Variants in LRP2 observed in about 807,000 individuals in gnomAD.
LRP2 encodes the protein low-density lipoprotein receptor-related protein 2.
Under a neutral mutation model 531.0 loss-of-function variants are expected in LRP2, and 172 were observed. The observed-to-expected ratio is 0.32, with a 90% CI of 0.29 to 0.37. The LOEUF (loss-of-function observed/expected upper bound fraction) is 0.37, where lower values mean the gene tolerates loss of function less well. Ranked by LOEUF, LRP2 falls within the 10% of genes least tolerant of loss-of-function variation. The pLI, the probability that LRP2 is intolerant of heterozygous loss-of-function variation, is 1.00. For synonymous variants in LRP2, 1,992 were observed against 2,027.6 expected (o/e 0.98, Z 0.47); for missense variants, 5,167 against 5,868.3 (o/e 0.88, Z 3.90).
intron 16 of LRP2, among the ~76,000 whole-genome samples, chr2:169,268,300 A>C (rs969716995): frequency 1.3e-5 from 2 of 152,118 alleles, no homozygotes; most frequent in African/African-American, 4.8e-5. Context: ...CAGAGACACA[A>C]CAAAAAAAGA....
chr2:169,237,875 C>T (rs1689661976), intron 27 of LRP2, among the ~76,000 whole-genome samples: 1 of 152,156 alleles, frequency 6.6e-6, no homozygotes, highest in Admixed American at 6.5e-5. Flanking sequence ...ACCTGGAATT[C>T]AGAATCACAC....
intron 21 of LRP2, among the ~76,000 whole-genome samples, chr2:169,245,522 T>C (rs959427339): frequency 6.6e-6 from 1 of 152,210 alleles, no homozygotes; most frequent in African/African-American, 2.4e-5. Context: ...GTCACTCCTC[T>C]TTCTCTCCAA....
rs1230332680 is a variant in LRP2 at position 169,257,847 on chromosome 2, AAC to A, written c.2514-600_2514-599del. Among the ~76,000 whole-genome samples the A allele has an allele frequency of 8.8e-3, 1,318 of 149,614 alleles. 13 individuals carry two copies. The highest frequency in any genetic ancestry group is 0.03 in the African/African-American group (1,220 of 40,166). ...AAACAAAAAAAAAAAACACAAAAAA[AAC>A]AAAAGAAAATAAAAAAACAACTTTT... On this transcript the variant is annotated intron_variant, in intron 17 of 78. Coordinates refer to ENST00000649046, the MANE Select transcript of LRP2 (RefSeq NM_004525.3).
intron 20 of LRP2, 130 bp downstream of exon 20, chr2:169,247,248 G>T: frequency 1.9e-6 from 2 of 1,029,572 alleles, no homozygotes; most frequent in Non-Finnish European, 2.8e-6. Flanking sequence ...TAGATTATGT[G>T]AACGACAAGA....
intron 45 of LRP2, among the ~76,000 whole-genome samples, chr2:169,198,109 A>T (rs560335574): frequency 4.8e-4 from 73 of 152,340 alleles, no homozygotes; most frequent in Non-Finnish European, 9.1e-4. Flanking sequence ...TATCTAGGGG[A>T]TATAAAGATA....
chr2:169,316,080 T>C (rs1405374444), intron 3 of LRP2, among the ~76,000 whole-genome samples: 1 of 148,386 alleles, frequency 6.7e-6, no homozygotes, highest in Admixed American at 6.7e-5. Flanking sequence ...AGGTCAAGGC[T>C]ACAGTGAGCC....
At chr2:169,166,331 A>G (rs1019970998) in intron 61 of LRP2, among the ~76,000 whole-genome samples, 5 of 152,232 alleles carry the variant, frequency 3.3e-5, no homozygotes, top group African/African-American at 1.2e-4. Flanking sequence ...CCATTCAATT[A>G]CAACTATGAA....
intron 16 of LRP2, among the ~76,000 whole-genome samples, chr2:169,262,147 G>A (rs1171823599): frequency 6.7e-6 from 1 of 149,742 alleles, no homozygotes; most frequent in Non-Finnish European, 1.5e-5. Flanking sequence ...CATACTGAAT[G>A]GGCAAAAACT....
At chr2:169,257,075 T>A (rs769323513) in intron 18 of LRP2, 49 bp downstream of exon 18, 1 of 1,608,696 alleles carries the variant, frequency 6.2e-7, no homozygotes, top group Non-Finnish European at 8.5e-7. Context: ...TCATTATGTG[T>A]TCTGCAGTAA....
intron 1 of LRP2, among the ~76,000 whole-genome samples, chr2:169,348,686 A>G (rs1021094363): frequency 1.3e-5 from 2 of 152,182 alleles, no homozygotes; most frequent in Admixed American, 1.3e-4. Context: ...TAGCAGAATG[A>G]CCCATTCTGT....
chr2:169,154,000 C>A (rs1686238968), intron 66 of LRP2, among the ~76,000 whole-genome samples: 2 of 152,158 alleles, frequency 1.3e-5, no homozygotes, highest in African/African-American at 2.4e-5. Context: ...ATGTGGTCAA[C>A]TAGCTATATA....
At chr2:169,278,324 A>C (rs115650091) in intron 12 of LRP2, among the ~76,000 whole-genome samples, 5,566 of 152,090 alleles carry the variant, frequency 0.037, 123 homozygotes, top group South Asian at 0.11. Flanking sequence ...ATCTCTACAA[A>C]AATTAAAAGA....
chr2:169,321,577 A>G (rs1283651477), intron 1 of LRP2, among the ~76,000 whole-genome samples: 1 of 151,848 alleles, frequency 6.6e-6, no homozygotes, highest in Non-Finnish European at 1.5e-5. Flanking sequence ...TCCTCACCTT[A>G]TTTTTTAAGT....
intron 54 of LRP2, 49 bp downstream of exon 54, chr2:169,176,362 C>G: frequency 1.2e-6 from 2 of 1,609,686 alleles, no homozygotes; most frequent in Non-Finnish European, 1.7e-6. Flanking sequence ...AGGTCAATGT[C>G]TGTCCACGGG....
At chr2:169,149,518 A>G (rs915329376) in intron 68 of LRP2, among the ~76,000 whole-genome samples, 1 of 152,100 alleles carries the variant, frequency 6.6e-6, no homozygotes, top group African/African-American at 2.4e-5. Flanking sequence ...GCCATTCCAG[A>G]GAGAAAGGAA....
chr2:169,197,186 G>A (rs1361821883), intron 45 of LRP2, among the ~76,000 whole-genome samples, 156 bp from the exon 46 acceptor site: 1 of 151,982 alleles, frequency 6.6e-6, no homozygotes, highest in Admixed American at 6.6e-5. Flanking sequence ...TCTGTGGGGA[G>A]GAAGAAGTAT....
chr2:169,298,912 A>G (rs1684199676), intron 4 of LRP2, among the ~76,000 whole-genome samples: 1 of 151,918 alleles, frequency 6.6e-6, no homozygotes. Flanking sequence ...AGTGACTGCC[A>G]TCATGGACTA....
At chr2:169,205,670 A>G (rs762883380) in intron 40 of LRP2, 33 bp from the exon 41 acceptor site, 7 of 1,589,792 alleles carry the variant, frequency 4.4e-6, no homozygotes, top group Non-Finnish European at 6.0e-6. Flanking sequence ...TAATTAATTC[A>G]CAGGGAACCT....
Position 169,338,449 on chromosome 2 carries a change from AAAGG to A in LRP2, c.80-17569_80-17566del, listed in dbSNP as rs146499920. Among the ~76,000 whole-genome samples the A allele has an allele frequency of 2.3e-4, 35 of 151,100 alleles. 2 individuals carry two copies. The highest frequency in any genetic ancestry group is 4.8e-4 in the African/African-American group (20 of 41,318). ...AAAAAAGGAGGAAGACGGAGGGAGG[AAAGG>A]AAGGAAGGAAGGAAGGAAAAAGACA... On this transcript the variant is annotated intron_variant, in intron 1 of 78. Coordinates refer to ENST00000649046, the MANE Select transcript of LRP2 (RefSeq NM_004525.3).
Sources: gnomAD v4.1 joint callset for allele counts (sites outside exome capture counted in the v4.1 genomes callset) on GRCh38, gnomAD v4.1.1 for gene constraint, MANE v1.5 for transcripts, NCBI Gene and HGNC (gene_info 2026-07-23, HGNC 2026-07-21) for gene names.